Variants in ABCF1 observed in about 807,000 individuals in gnomAD.
The protein encoded by ABCF1 is ATP binding cassette subfamily F member 1.
A neutral mutation model predicts 126.3 loss-of-function variants in ABCF1; 73 were observed. The ratio of observed to expected loss-of-function variants is 0.58; its 90% CI spans 0.48 to 0.70. The LOEUF is 0.70. Among genes scored for constraint, ABCF1 ranks in the 30% least tolerant of loss-of-function variants. The pLI is 0.00. For synonymous variants in ABCF1, 345 were observed against 396.4 expected (o/e 0.87, Z 1.54); for missense variants, 786 against 1,057.5 (o/e 0.74, Z 3.56).
At position 30,571,480 on chromosome 6, in the gene ABCF1, C is replaced by T. The variant is rs1801228815; in HGVS notation, c.-8C>T. The stretch of plus-strand genomic sequence containing the variant: ...GGCGCCGCCACAGTAGCTGTAACTG[C>T]CACCGCGATGCCGAAGGCGCCCAAG... On this transcript the variant is annotated 5_prime_UTR_variant, in exon 1 of 25. Coordinates refer to ENST00000326195, the MANE Select transcript of ABCF1 (RefSeq NM_001025091.2). 1.2e-6 allele frequency: 2 copies of T among 1,608,754 alleles called. No homozygotes were observed. Among genetic ancestry groups the T allele is most frequent in the Non-Finnish European group, 1.7e-6 (2 of 1,178,502 alleles).
At chr6:30,585,781 C>A in intron 16 of ABCF1, 98 bp from the exon 17 acceptor site, 1 of 1,569,440 alleles carries the variant, frequency 6.4e-7, no homozygotes, top group Admixed American at 1.8e-5. Context: ...TGTCAGAATT[C>A]CAGACAGTGA....
rs1333053676 is a variant in ABCF1 at position 30,578,570 on chromosome 6, T to C, written c.482T>C (p.Ile161Thr). ...CCTGCCAAGCCGGAGAAGAATCGGA[T>C]CAATAAGGTGACAGTGGTGGCTCGA... ...PKPAKPEKNR[I>T]NKAVSEEQQP... Residue 161 changes from isoleucine (I) to threonine (T), a missense_variant, in exon 6 of 25, where the codon ATC becomes ACC. Around this residue, in one of 4 missense-constraint regions of ABCF1, gnomAD observed 322 missense variants for 322.9 expected, o/e 1.00. Coordinates refer to ENST00000326195, the MANE Select transcript of ABCF1 (RefSeq NM_001025091.2). The C allele has an allele frequency of 1.9e-6, 3 of 1,613,568 alleles. No individual in the cohort carries two copies. In the Admixed American group the frequency reaches 5.0e-5, roughly 27 times the overall value.
chr6:30,586,386 G>C lies in ABCF1; in HGVS notation c.1885+81G>C. The C allele has an allele frequency of 6.2e-7, 1 of 1,606,238 alleles. No individual in the cohort carries two copies. The highest frequency in any genetic ancestry group is 1.1e-5 in the South Asian group (1 of 90,378). On this transcript the variant is annotated intron_variant, in intron 18 of 24. Coordinates refer to ENST00000326195, the MANE Select transcript of ABCF1 (RefSeq NM_001025091.2). This position sits in a 1 kb window ranked among gnomAD's most constrained non-coding sequence, Gnocchi z 4.9. ...ACCCTAAATTCTCCACCAAGGCTGA[G>C]ATTGCTCCTGTTCTCCAAGGCCAGC...
chr6:30,572,121 A>G (rs1026984651), intron 1 of ABCF1, among the ~76,000 whole-genome samples: 2 of 152,182 alleles, frequency 1.3e-5, no homozygotes, highest in African/African-American at 4.8e-5. Context: ...GTTTTTAATT[A>G]AGCACTCTAT....
At chr6:30,575,943 G>A (rs376228671) in intron 1 of ABCF1, among the ~76,000 whole-genome samples, 3 of 151,798 alleles carry the variant, frequency 2.0e-5, no homozygotes, top group Admixed American at 1.3e-4. Context: ...GCATGGTGGC[G>A]CTTGCCTGTA....
At position 30,584,542 on chromosome 6, in the gene ABCF1, G is replaced by A. The variant is rs747954582; in HGVS notation, c.1367G>A (p.Trp456Ter). ...CCCACACAGAAGTTCTCAGGGGGCT[G>A]GCGCATGCGTGTCTCCCTGGCCAGG... ...NRPTQKFSGG[W>*]RMRVSLARAL... The change falls in exon 14 of 25, where the codon TGG becomes TAG. Residue 456 changes from tryptophan to a stop codon, truncating the protein, a stop_gained. Transcript: ENST00000326195. LOFTEE classifies it high-confidence loss of function. The surrounding 1 kb of genome is among the most constrained non-coding windows in gnomAD (Gnocchi z 4.6). The A allele has an allele frequency of 6.2e-7, 1 of 1,607,382 alleles. No homozygotes were observed. The highest frequency in any genetic ancestry group is 8.5e-7 in the Non-Finnish European group (1 of 1,176,496).
At chr6:30,575,071 CTTTTTTTT>C (rs958476559) in intron 1 of ABCF1, among the ~76,000 whole-genome samples, 1 of 129,808 alleles carries the variant, frequency 7.7e-6, no homozygotes, top group Admixed American at 7.8e-5. Context: ...GACTTTTTTT[CTTTTTTTT>C]TTTTTTTTTT....
At chr6:30,582,347 C>A in intron 8 of ABCF1, 47 bp from the exon 9 acceptor site, 1 of 1,277,080 alleles carries the variant, frequency 7.8e-7, no homozygotes, top group Non-Finnish European at 1.1e-6. Context: ...TGAGCCACCG[C>A]GCCCAGCCAG....
intron 20 of ABCF1, chr6:30,589,331 G>A: frequency 3.1e-6 from 1 of 323,848 alleles, no homozygotes; most frequent in Non-Finnish European, 5.8e-6. Context: ...ATGCATACTT[G>A]TCCCTGGCCC....
chr6:30,578,249 G>A, intron 4 of ABCF1, 47 bp downstream of exon 4: 1 of 1,613,766 alleles, frequency 6.2e-7, no homozygotes, highest in Non-Finnish European at 8.5e-7. Context: ...ATGAGTCATG[G>A]AGAGTGATAC....
At position 30,586,047 on chromosome 6, in the gene ABCF1, GGAA is replaced by G. The variant is rs1341596996; in HGVS notation, c.1713+61_1713+63del. On this transcript the variant is annotated intron_variant, in intron 17 of 24. Coordinates refer to ENST00000326195, the MANE Select transcript of ABCF1 (RefSeq NM_001025091.2). The surrounding 1 kb of genome is among the most constrained non-coding windows in gnomAD (Gnocchi z 4.9). ...GCCACTGTTCTCTCCTGGCAGTGGAGGAAGAAGGAGACTCTGGAACGCTGGCCT... is the reference window on the plus strand; with the variant it reads ...GCCACTGTTCTCTCCTGGCAGTGGAGGAAGGAGACTCTGGAACGCTGGCCT... 15 of 1,590,124 alleles carry G rather than the reference GGAA, an allele frequency of 9.4e-6. No individual in the cohort carries two copies. The highest frequency in any genetic ancestry group is 2.2e-5 in the East Asian group (1 of 44,508).
chr6:30,579,001 A>AAAAAAAAACAAC (rs1561788042), intron 6 of ABCF1, among the ~76,000 whole-genome samples: 1 of 151,484 alleles, frequency 6.6e-6, no homozygotes, highest in Non-Finnish European at 1.5e-5. Flanking sequence ...CTCAGTCTCA[A>AAAAAAAAACAAC]AAAAAAAACA....
chr6:30,581,658 C>T (rs1182220331), intron 8 of ABCF1, among the ~76,000 whole-genome samples: 3 of 151,816 alleles, frequency 2.0e-5, no homozygotes, highest in South Asian at 4.2e-4. Flanking sequence ...CCATCTTGGC[C>T]TCCCAAAGTG....
intron 1 of ABCF1, among the ~76,000 whole-genome samples, chr6:30,575,066 T>C: frequency 6.6e-6 from 1 of 150,956 alleles, no homozygotes; most frequent in Non-Finnish European, 1.5e-5. Flanking sequence ...CCATTGACTT[T>C]TTTTCTTTTT....
At chr6:30,576,024 T>C (rs1342312699) in intron 1 of ABCF1, among the ~76,000 whole-genome samples, 2 of 148,936 alleles carry the variant, frequency 1.3e-5, no homozygotes, top group Admixed American at 6.8e-5. Context: ...CAGTGAGTTA[T>C]GATCATGCCA....
chr6:30,584,573 C>T lies in ABCF1; in HGVS notation c.1391+7C>T. The T allele has an allele frequency of 6.3e-7, 1 of 1,586,820 alleles. No individual in the cohort carries two copies. Among genetic ancestry groups the T allele is most frequent in the Non-Finnish European group, 8.6e-7 (1 of 1,166,722 alleles). On this transcript the variant is annotated splice_region_variant and intron_variant, in intron 14 of 24. Transcript: ENST00000326195. The surrounding 1 kb of genome is among the most constrained non-coding windows in gnomAD (Gnocchi z 4.6). ...TGCGTGTCTCCCTGGCCAGGTGGGC[C>T]ATTCACCTCACTGCCCTCCCTTCCA... is the stretch of plus-strand genomic sequence containing the variant.
Position 30,582,427 on chromosome 6 carries a change from G to A in ABCF1, c.712G>A (p.Glu238Lys). 2 of 1,611,608 alleles carry A rather than the reference G, an allele frequency of 1.2e-6. No homozygotes were observed. Among genetic ancestry groups the A allele is most frequent in the Non-Finnish European group, 1.7e-6 (2 of 1,178,778 alleles). The part of the protein sequence containing the change: ...SEEEGEGEEE[E>K]EEGGESKADD... The stretch of plus-strand genomic sequence containing the variant: ...GGAAGAAGGAGAAGGGGAAGAAGAG[G>A]AGGAGGAAGGAGGAGAGTCTAAGGC... Residue 238 changes from glutamate (E) to lysine (K), a missense_variant, in exon 9 of 25, where the codon GAG becomes AAG. Around this residue, in one of 4 missense-constraint regions of ABCF1, gnomAD observed 322 missense variants for 322.9 expected, o/e 1.00. Coordinates refer to ENST00000326195, the MANE Select transcript of ABCF1 (RefSeq NM_001025091.2).
At chr6:30,572,633 A>G (rs1801311304) in intron 1 of ABCF1, among the ~76,000 whole-genome samples, 1 of 152,086 alleles carries the variant, frequency 6.6e-6, no homozygotes, top group Non-Finnish European at 1.5e-5. Context: ...TCTCCCAAGT[A>G]GTTGAGACTA....
chr6:30,583,577 C>G lies in ABCF1; in HGVS notation c.916-31C>G. On this transcript the variant is annotated intron_variant, in intron 10 of 24. Coordinates refer to ENST00000326195, the MANE Select transcript of ABCF1 (RefSeq NM_001025091.2). This position sits in a 1 kb window ranked among gnomAD's most constrained non-coding sequence, Gnocchi z 4.1. ...GAGAATTTTCATGTGATCATCCCTT[C>G]CCTCTGCCACCTCTTTCCTGATGGC... 1 of 1,608,424 alleles carries G rather than the reference C, an allele frequency of 6.2e-7. No individual in the cohort carries two copies. The highest frequency in any genetic ancestry group is 1.1e-5 in the South Asian group (1 of 90,924).
Sources: allele counts gnomAD v4.1 joint callset (sites outside exome capture counted in the v4.1 genomes callset), GRCh38; gene constraint gnomAD v4.1.1; regional missense constraint gnomAD v4.1.1; non-coding constraint Gnocchi (gnomAD v3.1); transcripts MANE v1.5; gene names NCBI Gene and HGNC (gene_info 2026-07-23, HGNC 2026-07-21).